Variants in ENTREP2 observed in about 807,000 individuals in gnomAD.
The protein encoded by ENTREP2 is endosomal transmembrane epsin interactor 2, also known as protein ENTREP2.
chr15:29,576,674 T>C, the ENTREP2 span, among the ~76,000 whole-genome samples: 2 of 152,214 alleles, frequency 1.3e-5, no homozygotes, highest in South Asian at 4.1e-4. Flanking sequence ...TGAATAGACA[T>C]TTCTCCTAAG....
chr15:29,361,652 G>A, the ENTREP2 span, among the ~76,000 whole-genome samples: 74 of 152,162 alleles, frequency 4.9e-4, 1 homozygote, highest in African/African-American at 1.7e-3. Context: ...TCATTACTGC[G>A]GCACAACAGG....
the ENTREP2 span, among the ~76,000 whole-genome samples, chr15:29,668,974 T>C: frequency 6.6e-6 from 1 of 152,216 alleles, no homozygotes; most frequent in African/African-American, 2.4e-5. Flanking sequence ...CTAGTCATCA[T>C]TTATTGCCCC....
chr15:29,518,054 C>T, the ENTREP2 span, among the ~76,000 whole-genome samples: 2 of 152,034 alleles, frequency 1.3e-5, no homozygotes, highest in Admixed American at 1.3e-4. Flanking sequence ...CTGGGCAACA[C>T]AGCAAGACCC....
the ENTREP2 span, among the ~76,000 whole-genome samples, chr15:29,253,841 T>TA: frequency 2.6e-5 from 4 of 152,262 alleles, no homozygotes; most frequent in South Asian, 4.2e-4. Flanking sequence ...CACTCTGTCA[T>TA]TTTTTCTTTA....
chr15:29,380,759 A>G, the ENTREP2 span, among the ~76,000 whole-genome samples: 2 of 152,166 alleles, frequency 1.3e-5, no homozygotes, highest in African/African-American at 4.8e-5. Context: ...TTGAACTCTG[A>G]TAACATATAT....
chr15:29,656,706 G>T, the ENTREP2 span, among the ~76,000 whole-genome samples: 1 of 152,126 alleles, frequency 6.6e-6, no homozygotes. Flanking sequence ...CCAAATGCTC[G>T]CAAGGACGTG....
the ENTREP2 span, among the ~76,000 whole-genome samples, chr15:29,288,348 T>C: frequency 3.0e-4 from 45 of 152,286 alleles, no homozygotes; most frequent in South Asian, 8.9e-3. Flanking sequence ...GTGGTCTCGT[T>C]TGACTGTAAC....
the ENTREP2 span, among the ~76,000 whole-genome samples, chr15:29,502,643 A>G: frequency 6.6e-6 from 1 of 152,034 alleles, no homozygotes; most frequent in East Asian, 1.9e-4. Context: ...TATCCACAAA[A>G]TGAAAAGACA....
the ENTREP2 span, among the ~76,000 whole-genome samples, chr15:29,253,775 T>C: frequency 6.6e-6 from 1 of 152,082 alleles, no homozygotes; most frequent in Non-Finnish European, 1.5e-5. Flanking sequence ...TTAGCGGCCA[T>C]TTTTAATGAT....
chr15:29,304,509 C>T, the ENTREP2 span, among the ~76,000 whole-genome samples: 1 of 152,220 alleles, frequency 6.6e-6, no homozygotes, highest in South Asian at 2.1e-4. Flanking sequence ...CATACGACTA[C>T]ATGGCAAACA....
At chr15:29,585,629 G>A in the ENTREP2 span, among the ~76,000 whole-genome samples, 582 of 152,270 alleles carry the variant, frequency 3.8e-3, 2 homozygotes, top group African/African-American at 0.012. Flanking sequence ...GGCCGAGGCC[G>A]GCAGATCACG....
At chr15:29,614,790 C>T in the ENTREP2 span, among the ~76,000 whole-genome samples, 375 of 152,292 alleles carry the variant, frequency 2.5e-3, no homozygotes, top group Non-Finnish European at 4.3e-3. Context: ...GGCATGGTGG[C>T]TCACGCCAGT....
At chr15:29,340,982 T>C in the ENTREP2 span, among the ~76,000 whole-genome samples, 10 of 152,290 alleles carry the variant, frequency 6.6e-5, no homozygotes, top group Admixed American at 5.9e-4. Flanking sequence ...CCAGGCCCCA[T>C]GGGAGAGCTG....
chr15:29,637,542 A>C, the ENTREP2 span, among the ~76,000 whole-genome samples: 1 of 152,204 alleles, frequency 6.6e-6, no homozygotes, highest in Admixed American at 6.5e-5. Flanking sequence ...GAACCTGCCA[A>C]AATCAGAGTG....
At chr15:29,373,543 C>T in the ENTREP2 span, 5 of 152,178 alleles carry the variant, frequency 3.3e-5, no homozygotes, top group Admixed American at 2.0e-4. Context: ...AAACTATAGA[C>T]CTCATGTGAA....
chr15:29,619,799 C>T, the ENTREP2 span, among the ~76,000 whole-genome samples: 1 of 152,154 alleles, frequency 6.6e-6, no homozygotes, highest in African/African-American at 2.4e-5. Context: ...GGCTCATCCT[C>T]CCACTCCTGG....
chr15:29,352,385 A>G, the ENTREP2 span, among the ~76,000 whole-genome samples: 2 of 152,240 alleles, frequency 1.3e-5, no homozygotes, highest in Admixed American at 6.5e-5. Context: ...AATAGCCACA[A>G]GCACATTACA....
chr15:29,285,242 A>G, the ENTREP2 span, among the ~76,000 whole-genome samples: 84,646 of 151,968 alleles, frequency 0.56, 25,100 homozygotes, highest in Non-Finnish European at 0.68. Flanking sequence ...AGGGAGCCTG[A>G]AAAGTGGGGA....
At chr15:29,517,592 A>G in the ENTREP2 span, among the ~76,000 whole-genome samples, 1 of 152,166 alleles carries the variant, frequency 6.6e-6, no homozygotes, top group African/African-American at 2.4e-5. Context: ...GCATATTCAT[A>G]TTCTTTTTCT....
Sources: allele counts gnomAD v4.1 joint callset (sites outside exome capture counted in the v4.1 genomes callset), GRCh38; gene constraint gnomAD v4.1.1; transcripts MANE v1.5; gene names NCBI Gene and HGNC (gene_info 2026-07-23, HGNC 2026-07-21).